Variants in MCCC2 observed in about 807,000 individuals in gnomAD.
MCCC2 encodes the protein methylcrotonyl-CoA carboxylase subunit 2.
Under a neutral mutation model 77.2 loss-of-function variants are expected in MCCC2, and 52 were observed. The ratio of observed to expected loss-of-function variants is 0.67; its 90% confidence interval spans 0.54 to 0.85. The LOEUF (loss-of-function observed/expected upper bound fraction) is 0.85. MCCC2 is among the 40% of genes least tolerant of loss of function. The probability of loss-of-function intolerance (pLI) is 0.00; values close to 1 mark genes in which losing one functional copy is unlikely to be tolerated. For synonymous variants in MCCC2, 253 were observed against 248.4 expected (o/e 1.02, Z -0.18); for missense variants, 682 against 703.2 (o/e 0.97, Z 0.34).
At chr5:71,594,396 C>T (rs534189301) in intron 2 of MCCC2, among the ~76,000 whole-genome samples, 79 of 152,036 alleles carry the variant, frequency 5.2e-4, no homozygotes, top group South Asian at 2.9e-3. Context: ...GGTGTGGTGG[C>T]GCATGCTTGT....
At chr5:71,655,183 ACAG>A (rs1747547128) in intron 16 of MCCC2, among the ~76,000 whole-genome samples, 1 of 152,136 alleles carries the variant, frequency 6.6e-6, no homozygotes, top group African/African-American at 2.4e-5. Context: ...TGGCATGGAG[ACAG>A]CAGCTTTCTT....
In MCCC2 at chr5:71,658,524, C is replaced by T. The variant is rs1747644067; in HGVS notation, c.*1664C>T. 6.6e-6 allele frequency: 1 copy of T among 152,190 alleles called. No individual in the cohort carries two copies. Among genetic ancestry groups the T allele is most frequent in the Non-Finnish European group, 1.5e-5 (1 of 68,046 alleles). 9.4% of individuals were successfully genotyped at this position (152,190 alleles called of 1,614,324 possible). On this transcript the variant is annotated 3_prime_UTR_variant, in exon 17 of 17. Coordinates refer to ENST00000340941, the MANE Select transcript of MCCC2 (RefSeq NM_022132.5). The stretch of plus-strand genomic sequence containing the variant: ...ATGTAAGCTCCGTGAGAGCAAGGAT[C>T]CTCCTGTTTACCCTGTACCTCCAAT...
chr5:71,613,877 T>G (rs997453325), intron 6 of MCCC2, among the ~76,000 whole-genome samples: 20 of 151,818 alleles, frequency 1.3e-4, no homozygotes, highest in African/African-American at 4.8e-4. Context: ...GCTCATATAT[T>G]CAGGAAGGGG....
intron 7 of MCCC2, among the ~76,000 whole-genome samples, chr5:71,631,580 G>T (rs541040082): frequency 7.2e-6 from 1 of 139,546 alleles, no homozygotes; most frequent in Admixed American, 7.9e-5. Flanking sequence ...TCGCTCTGTC[G>T]CCCAGGCCGG....
At chr5:71,652,517 G>C (rs1398712516) in intron 15 of MCCC2, 152 bp from the exon 16 acceptor site, 1 of 708,218 alleles carries the variant, frequency 1.4e-6, no homozygotes, top group East Asian at 2.7e-5. Context: ...TAGCGTGTAT[G>C]TTAATGATCA....
At chr5:71,611,562 A>G (rs974299790) in intron 6 of MCCC2, among the ~76,000 whole-genome samples, 2 of 152,210 alleles carry the variant, frequency 1.3e-5, no homozygotes, top group Non-Finnish European at 2.9e-5. Context: ...CTCAAAAAGT[A>G]GATTGAGTAA....
chr5:71,626,095 A>G (rs1312793653), intron 6 of MCCC2, among the ~76,000 whole-genome samples: 1 of 152,170 alleles, frequency 6.6e-6, no homozygotes, highest in Non-Finnish European at 1.5e-5. Flanking sequence ...AACCCTATGT[A>G]CACATCACCC....
intron 16 of MCCC2, among the ~76,000 whole-genome samples, chr5:71,655,869 T>G (rs1747563236): frequency 6.6e-6 from 1 of 152,212 alleles, no homozygotes; most frequent in Non-Finnish European, 1.5e-5. Context: ...TTTTTCCTAT[T>G]GTAGCAAAAA....
At chr5:71,655,664 A>G (rs1747558476) in intron 16 of MCCC2, among the ~76,000 whole-genome samples, 1 of 152,208 alleles carries the variant, frequency 6.6e-6, no homozygotes, top group African/African-American at 2.4e-5. Context: ...TGTCAATGTA[A>G]GAATGGTTTA....
chr5:71,595,428 CAAAAAAAAA>C (rs56048450), intron 2 of MCCC2, among the ~76,000 whole-genome samples: 1 of 115,242 alleles, frequency 8.7e-6, no homozygotes, highest in Non-Finnish European at 1.7e-5. Flanking sequence ...GATCTTGTCT[CAAAAAAAAA>C]AAAAAAAAAG....
At chr5:71,606,461 TGAG>T (rs1346209462) in intron 6 of MCCC2, among the ~76,000 whole-genome samples, 3 of 150,638 alleles carry the variant, frequency 2.0e-5, no homozygotes, top group African/African-American at 7.3e-5. Context: ...CTTATCAGCT[TGAG>T]GAGATTTTGG....
intron 10 of MCCC2, among the ~76,000 whole-genome samples, chr5:71,638,769 T>C (rs1747016021): frequency 6.6e-6 from 1 of 152,092 alleles, no homozygotes; most frequent in Admixed American, 6.6e-5. Context: ...GATCCACCCG[T>C]CTTGGCCTCC....
At chr5:71,619,997 A>C (rs1239733014) in intron 6 of MCCC2, among the ~76,000 whole-genome samples, 1 of 152,064 alleles carries the variant, frequency 6.6e-6, no homozygotes, top group Non-Finnish European at 1.5e-5. Context: ...TCTCAAAAAA[A>C]AAAAAATGAA....
At chr5:71,588,922 C>A (rs1316454756) in intron 1 of MCCC2, among the ~76,000 whole-genome samples, 1 of 152,104 alleles carries the variant, frequency 6.6e-6, no homozygotes, top group African/African-American at 2.4e-5. Flanking sequence ...CATTTAGATT[C>A]CATTTGGCAG....
intron 8 of MCCC2, among the ~76,000 whole-genome samples, chr5:71,634,408 T>G (rs1255850239): frequency 2.0e-5 from 3 of 152,256 alleles, no homozygotes; most frequent in Non-Finnish European, 4.4e-5. Context: ...CTGTGATGGC[T>G]TACTGTCAGT....
At chr5:71,645,851 T>A (rs1236214167) in intron 12 of MCCC2, among the ~76,000 whole-genome samples, 1 of 152,112 alleles carries the variant, frequency 6.6e-6, no homozygotes, top group Non-Finnish European at 1.5e-5. Flanking sequence ...GATAATGGAG[T>A]AGCACTGTAC....
chr5:71,632,231 GTT>G (rs1277450002), intron 8 of MCCC2, 46 bp downstream of exon 8: 1 of 1,587,372 alleles, frequency 6.3e-7, no homozygotes, highest in African/African-American at 1.3e-5. Context: ...GTGTCATTTT[GTT>G]TGTTTGTTTA....
At position 71,604,462 on chromosome 5, in the gene MCCC2, T is replaced by C. The variant is rs2112329401; in HGVS notation, c.618T>C (p.Ile206=). The C allele has an allele frequency of 6.2e-7, 1 of 1,612,032 alleles. No individual in the cohort carries two copies. Among genetic ancestry groups the C allele is most frequent in the Non-Finnish European group, 8.5e-7 (1 of 1,178,110 alleles). Residue 206 remains isoleucine, a synonymous_variant, in exon 6 of 17, where the codon ATT becomes ATC. Coordinates refer to ENST00000340941, the MANE Select transcript of MCCC2 (RefSeq NM_022132.5). The part of the protein sequence containing the change: ...YNQAIMSSKN[I]AQIAVVMGSC... ...AGGCAATTATGTCTTCTAAAAATATTGCACAGGTAATTTTTCATGAATAAA... is the reference window on the plus strand; with the variant it reads ...AGGCAATTATGTCTTCTAAAAATATCGCACAGGTAATTTTTCATGAATAAA...
chr5:71,619,875 C>T (rs983768789), intron 6 of MCCC2, among the ~76,000 whole-genome samples: 2 of 151,852 alleles, frequency 1.3e-5, no homozygotes, highest in Admixed American at 1.3e-4. Context: ...CCTGTAGTCC[C>T]AGCTACTCGG....
Sources: allele counts gnomAD v4.1 joint callset (sites outside exome capture counted in the v4.1 genomes callset), GRCh38; gene constraint gnomAD v4.1.1; transcripts MANE v1.5; gene names NCBI Gene and HGNC (gene_info 2026-07-23, HGNC 2026-07-21).